SIGLEC1: variants seen among roughly 807,000 people sequenced by gnomAD.
SIGLEC1 encodes sialoadhesin.
In SIGLEC1, 132 loss-of-function variants were observed where a neutral mutation model predicts 148.0. The observed-to-expected ratio is 0.89, with a 90% CI of 0.77 to 1.03. The LOEUF (loss-of-function observed/expected upper bound fraction) is 1.03, where lower values mean the gene tolerates loss of function less well. SIGLEC1 is among the 50% of genes least tolerant of loss of function. The pLI is 0.00. For synonymous variants in SIGLEC1, 945 were observed against 969.0 expected (o/e 0.98, Z 0.46); for missense variants, 2,253 against 2,271.4 (o/e 0.99, Z 0.16).
intron 1 of SIGLEC1, among the ~76,000 whole-genome samples, chr20:3,711,022 G>GC (rs149777161): frequency 4.6e-5 from 7 of 152,114 alleles, no homozygotes; most frequent in Non-Finnish European, 7.4e-5. Context: ...CCCGCCCCCC[G>GC]CCCCCCGCAA....
intron 7 of SIGLEC1, among the ~76,000 whole-genome samples, chr20:3,700,017 A>G (rs1247540853): frequency 6.7e-6 from 1 of 148,688 alleles, no homozygotes; most frequent in Non-Finnish European, 1.5e-5. Context: ...CATGTTAGCC[A>G]GGCAGATCTC....
At chr20:3,697,758 A>C in intron 9 of SIGLEC1, 40 bp downstream of exon 9, 1 of 1,586,636 alleles carries the variant, frequency 6.3e-7, no homozygotes, top group Non-Finnish European at 8.6e-7. Context: ...CCAGAGCTCC[A>C]GCCCCTGCCC....
chr20:3,702,043 C>A (rs187657926), intron 6 of SIGLEC1, among the ~76,000 whole-genome samples: 1 of 152,194 alleles, frequency 6.6e-6, no homozygotes, highest in Admixed American at 6.5e-5. Context: ...TGGTCTCAGG[C>A]CATTCAAGTC....
chr20:3,695,470 G>A (rs1168691858), intron 11 of SIGLEC1, among the ~76,000 whole-genome samples: 1 of 152,192 alleles, frequency 6.6e-6, no homozygotes, highest in Non-Finnish European at 1.5e-5. Flanking sequence ...CTGGGGACCA[G>A]GCAAAGGGCA....
intron 9 of SIGLEC1, 97 bp from the exon 10 acceptor site, chr20:3,697,439 G>A: frequency 6.6e-7 from 1 of 1,509,080 alleles, no homozygotes; most frequent in South Asian, 1.2e-5. Context: ...GAGGCCCCCT[G>A]GGGTGCCCAC....
intron 7 of SIGLEC1, among the ~76,000 whole-genome samples, chr20:3,699,899 C>T (rs2087836002): frequency 6.6e-6 from 1 of 152,030 alleles, no homozygotes; most frequent in South Asian, 2.1e-4. Context: ...CAACCTCTGC[C>T]TCCCAGGTTC....
intron 7 of SIGLEC1, among the ~76,000 whole-genome samples, chr20:3,699,672 G>T (rs1201494706): frequency 5.9e-5 from 9 of 152,182 alleles, no homozygotes; most frequent in Non-Finnish European, 1.3e-4. Flanking sequence ...CCAGAGCCCA[G>T]GCTTATGTCC....
At chr20:3,696,514 C>T in intron 11 of SIGLEC1, 72 bp downstream of exon 11, 1 of 1,421,018 alleles carries the variant, frequency 7.0e-7, no homozygotes, top group Non-Finnish European at 9.5e-7. Context: ...TCACAGCACC[C>T]AGCCCAAAGT....
intron 1 of SIGLEC1, among the ~76,000 whole-genome samples, 198 bp from the exon 2 acceptor site, chr20:3,707,435 T>C (rs2087904809): frequency 6.6e-6 from 1 of 152,212 alleles, no homozygotes; most frequent in Non-Finnish European, 1.5e-5. Context: ...TCCCAAGTTC[T>C]GCTTTCCCAG....
Position 3,701,679 on chromosome 20 carries a change from C to T in SIGLEC1, c.1229-38G>A, listed in dbSNP as rs759078166. The T allele has an allele frequency of 2.6e-6, 4 of 1,515,516 alleles. No homozygotes were observed. In the African/African-American group the frequency reaches 5.5e-5, roughly 21 times the overall value. 93.9% of individuals were successfully genotyped at this position (1,515,516 alleles called of 1,614,324 possible). On this transcript the variant is annotated intron_variant, in intron 6 of 21. Coordinates refer to ENST00000344754, the MANE Select transcript of SIGLEC1 (RefSeq NM_023068.4). ...GAGAGGTGGGCCTGTCACCCTCAGA[C>T]AAGGGCATTCCCTGGATACCCTGAT...
intron 7 of SIGLEC1, among the ~76,000 whole-genome samples, chr20:3,700,106 C>CTTT (rs58342380): frequency 0.013 from 453 of 36,136 alleles, 88 homozygotes; most frequent in East Asian, 0.046. Context: ...CTGTGGCCAG[C>CTTT]TTTTTTTTTT....
chr20:3,688,184 C>A lies in SIGLEC1; in HGVS notation c.*376G>T, dbSNP rs2088717614. ...CTGATACTCTGTTGAATACAGAATG[C>A]CTTGGTGAGCCTCTGAGGATGCAGG... On this transcript the variant is annotated 3_prime_UTR_variant, in exon 22 of 22. Coordinates refer to ENST00000344754, the MANE Select transcript of SIGLEC1 (RefSeq NM_023068.4). 3.1e-6 allele frequency: 1 copy of A among 324,650 alleles called. No homozygotes were observed. Among genetic ancestry groups the A allele is most frequent in the East Asian group, 8.7e-5 (1 of 11,438 alleles). 20.1% of individuals were successfully genotyped at this position (324,650 alleles called of 1,614,324 possible).
chr20:3,698,886 A>G (rs1290639741), intron 8 of SIGLEC1, among the ~76,000 whole-genome samples: 1 of 152,180 alleles, frequency 6.6e-6, no homozygotes, highest in Non-Finnish European at 1.5e-5. Flanking sequence ...GCATGTGCAC[A>G]AATAGAGGAG....
At position 3,691,607 on chromosome 20, in the gene SIGLEC1, G is replaced by A. The variant is rs758911984; in HGVS notation, c.4331-7C>T. ...TCTGCCACCACGCGTGCACCTGCGGGCGGAGGATAGAGAGATGATTGGGGA... is the reference window on the plus strand; with the variant it reads ...TCTGCCACCACGCGTGCACCTGCGGACGGAGGATAGAGAGATGATTGGGGA... On this transcript the variant is annotated splice_polypyrimidine_tract_variant and splice_region_variant and intron_variant, in intron 17 of 21. Coordinates refer to ENST00000344754, the MANE Select transcript of SIGLEC1 (RefSeq NM_023068.4). 13 of 1,610,454 alleles carry A rather than the reference G, an allele frequency of 8.1e-6. No individual in the cohort carries two copies. Among genetic ancestry groups the A allele is most frequent in the Admixed American group, 3.3e-5 (2 of 59,952 alleles).
At chr20:3,695,047 A>C in intron 11 of SIGLEC1, 124 bp from the exon 12 acceptor site, 1 of 1,011,332 alleles carries the variant, frequency 9.9e-7, no homozygotes, top group Non-Finnish European at 1.4e-6. Flanking sequence ...AGCCCCTTCC[A>C]GACCACCGCC....
Position 3,697,310 on chromosome 20 carries a change from G to C in SIGLEC1, c.2155C>G (p.Leu719Val). ...AAGTTGGCTTCTGTGCCCTCCTGAA[G>C]TGTGTGTGATGGTGCAATGGCCAGG... is the stretch of plus-strand genomic sequence containing the variant. ...TVLAIAPSHTLQEGTEANLTC... is the reference protein window; with the variant it reads ...TVLAIAPSHTVQEGTEANLTC... Residue 719 changes from leucine (L) to valine (V), a missense_variant, in exon 10 of 22, where the codon CTT (leucine) becomes GTT (valine). Leu to Val is a conservative substitution (Grantham distance 32). Coordinates refer to ENST00000344754, the MANE Select transcript of SIGLEC1 (RefSeq NM_023068.4). The C allele has an allele frequency of 6.2e-7, 1 of 1,613,914 alleles. No homozygotes were observed. Among genetic ancestry groups the C allele is most frequent in the Non-Finnish European group, 8.5e-7 (1 of 1,180,022 alleles).
chr20:3,709,645 C>T (rs929060922), intron 1 of SIGLEC1, among the ~76,000 whole-genome samples: 1 of 152,150 alleles, frequency 6.6e-6, no homozygotes, highest in African/African-American at 2.4e-5. Context: ...CACTATTCCA[C>T]TAAAAGGTGG....
At position 3,693,506 on chromosome 20, in the gene SIGLEC1, C is replaced by T. The variant is rs773818282; in HGVS notation, c.3449G>A (p.Gly1150Asp). ...TVRDATSYRC[G>D]VGPPGRAPRL... ...GGGTGCCCGACCAGGGGGGCCCACA[C>T]CGCAGCGGTAGGAGGTGGCATCCCT... Residue 1150 changes from glycine to aspartate, a missense_variant, in exon 14 of 22, where the codon GGT (glycine) becomes GAT (aspartate). Gly to Asp is a moderately conservative substitution (Grantham distance 94). Transcript: ENST00000344754. The T allele has an allele frequency of 1.2e-5, 20 of 1,609,694 alleles. No individual in the cohort carries two copies. In the Admixed American group the frequency reaches 3.3e-4, roughly 27 times the overall value.
At chr20:3,708,976 C>T (rs1390600210) in intron 1 of SIGLEC1, among the ~76,000 whole-genome samples, 6 of 133,062 alleles carry the variant, frequency 4.5e-5, no homozygotes, top group South Asian at 5.0e-4. Context: ...ACCCAGGAGG[C>T]GGAGGTCACG....
Sources: allele counts gnomAD v4.1 joint callset (sites outside exome capture counted in the v4.1 genomes callset), GRCh38; gene constraint gnomAD v4.1.1; transcripts MANE v1.5; gene names NCBI Gene and HGNC (gene_info 2026-07-23, HGNC 2026-07-21).